MARCHF1: variants seen among roughly 807,000 people sequenced by gnomAD.
MARCHF1 encodes the protein membrane associated ring-CH-type finger 1, also known as E3 ubiquitin-protein ligase MARCHF1.
MARCHF1 carries 40 observed loss-of-function variants against 54.2 expected under a neutral mutation model. The ratio of observed to expected loss-of-function variants is 0.74; its 90% CI spans 0.57 to 0.96. The LOEUF (loss-of-function observed/expected upper bound fraction) is 0.96, where lower values mean the gene tolerates loss of function less well. MARCHF1 is among the 40% of genes least tolerant of loss of function. The probability of loss-of-function intolerance (pLI) is 0.00; values close to 1 mark genes in which losing one functional copy is unlikely to be tolerated. For missense variants in MARCHF1, 586 were observed against 656.5 expected (o/e 0.89, Z 1.17); for synonymous variants, 236 against 236.3 (o/e 1.00, Z 0.01).
chr4:163,717,626 G>C (rs982220461), intron 4 of MARCHF1, among the ~76,000 whole-genome samples: 66 of 152,236 alleles, frequency 4.3e-4, no homozygotes, highest in African/African-American at 1.5e-3. Flanking sequence ...GTGTAAAAAT[G>C]TTCCTATTTC....
intron 5 of MARCHF1, among the ~76,000 whole-genome samples, chr4:163,659,177 T>G (rs992641677): frequency 6.6e-6 from 1 of 152,002 alleles, no homozygotes; most frequent in African/African-American, 2.4e-5. Flanking sequence ...GTCTAGATTT[T>G]TACTCAGAAG....
At chr4:164,276,844 A>C (rs916607094) in intron 1 of MARCHF1, among the ~76,000 whole-genome samples, 20 of 145,498 alleles carry the variant, frequency 1.4e-4, no homozygotes, top group African/African-American at 3.0e-4. Flanking sequence ...GTGTAATTAC[A>C]ATTACATGTC....
chr4:163,640,558 C>A (rs1264456479), intron 5 of MARCHF1, among the ~76,000 whole-genome samples: 1 of 152,070 alleles, frequency 6.6e-6, no homozygotes, highest in East Asian at 1.9e-4. Flanking sequence ...TACTATGGAC[C>A]ATAGCCATGG....
At chr4:164,079,835 T>G in intron 2 of MARCHF1, among the ~76,000 whole-genome samples, 1 of 152,160 alleles carries the variant, frequency 6.6e-6, no homozygotes, top group East Asian at 1.9e-4. Flanking sequence ...AGTAGCATAG[T>G]TTTCTGTAAT....
At chr4:164,105,663 T>G (rs1488103093) in intron 2 of MARCHF1, among the ~76,000 whole-genome samples, 2 of 86,636 alleles carry the variant, frequency 2.3e-5, no homozygotes, top group African/African-American at 1.0e-4. Flanking sequence ...ATAAAAACCG[T>G]AGAAGAAAAC....
intron 1 of MARCHF1, among the ~76,000 whole-genome samples, chr4:164,238,023 A>T (rs185790953): frequency 3.1e-4 from 47 of 152,220 alleles, no homozygotes; most frequent in Non-Finnish European, 5.4e-4. Context: ...ATTAAAAACA[A>T]TTAAACTAAT....
chr4:164,060,477 A>G (rs1017616080), intron 2 of MARCHF1, among the ~76,000 whole-genome samples: 5 of 152,168 alleles, frequency 3.3e-5, no homozygotes, highest in African/African-American at 1.2e-4. Flanking sequence ...TCCACTAGAT[A>G]GTATTTCTTG....
intron 2 of MARCHF1, among the ~76,000 whole-genome samples, chr4:164,058,733 A>G (rs760319715): frequency 6.6e-6 from 1 of 152,162 alleles, no homozygotes; most frequent in Admixed American, 6.5e-5. Context: ...GAAATTGACA[A>G]CTTTCATGAG....
At chr4:164,169,602 ACC>A (rs894042476) in intron 1 of MARCHF1, among the ~76,000 whole-genome samples, 5 of 152,108 alleles carry the variant, frequency 3.3e-5, no homozygotes, top group Non-Finnish European at 5.9e-5. Context: ...CAATTCATAA[ACC>A]CCCAAAAGAG....
chr4:164,170,432 T>C (rs1313709418), intron 1 of MARCHF1, among the ~76,000 whole-genome samples: 4 of 152,088 alleles, frequency 2.6e-5, no homozygotes, highest in Non-Finnish European at 5.9e-5. Flanking sequence ...CCATCAATAA[T>C]ATTATCAATA....
intron 3 of MARCHF1, among the ~76,000 whole-genome samples, chr4:163,983,853 A>C (rs1193056882): frequency 6.6e-6 from 1 of 152,112 alleles, no homozygotes; most frequent in Non-Finnish European, 1.5e-5. Context: ...CTGTAAAGAA[A>C]AAATGTAAGA....
chr4:163,575,702 T>TA (rs1261462025), intron 8 of MARCHF1, among the ~76,000 whole-genome samples: 1 of 151,818 alleles, frequency 6.6e-6, no homozygotes, highest in Non-Finnish European at 1.5e-5. Context: ...TTTTTTTTTT[T>TA]ATTACTGATT....
intron 4 of MARCHF1, among the ~76,000 whole-genome samples, chr4:163,831,974 T>C (rs1749037901): frequency 6.6e-6 from 1 of 152,178 alleles, no homozygotes; most frequent in Non-Finnish European, 1.5e-5. Flanking sequence ...TCTAGAGTGC[T>C]GGGTTCCATC....
intron 1 of MARCHF1, among the ~76,000 whole-genome samples, chr4:164,239,787 A>G (rs1398387724): frequency 6.6e-6 from 1 of 152,038 alleles, no homozygotes; most frequent in Non-Finnish European, 1.5e-5. Context: ...GTGTATGTAT[A>G]TGTCATATTC....
rs140441696 is a variant in MARCHF1, at chr4:164,035,852, G to A, written c.-247-47143C>T. Reference sequence around the variant, plus strand: ...TCTCAGCGCTTTGGGAGGGGGAGGCGGGTGGATCACCTGAGGACAGGAGTT... The same window carrying A: ...TCTCAGCGCTTTGGGAGGGGGAGGCAGGTGGATCACCTGAGGACAGGAGTT... On this transcript the variant is annotated intron_variant, in intron 2 of 9. Coordinates refer to ENST00000514618, the MANE Select transcript of MARCHF1 (RefSeq NM_001394959.1). Among the ~76,000 whole-genome samples, 1,071 of 150,584 alleles carry A rather than the reference G, an allele frequency of 7.1e-3. 14 individuals are homozygous for A. Among genetic ancestry groups the A allele is most frequent in the African/African-American group, 0.024 (1,001 of 41,064 alleles).
chr4:164,028,035 C>G (rs1373079364), intron 2 of MARCHF1, among the ~76,000 whole-genome samples: 1 of 152,044 alleles, frequency 6.6e-6, no homozygotes, highest in Admixed American at 6.6e-5. Flanking sequence ...ATATCTCATA[C>G]TAGTCAAAAT....
chr4:164,143,981 T>C (rs1204819823), intron 1 of MARCHF1, among the ~76,000 whole-genome samples: 3 of 152,076 alleles, frequency 2.0e-5, no homozygotes, highest in African/African-American at 7.2e-5. Context: ...GAAGAAGATC[T>C]ACCAAGCAAA....
At chr4:164,169,846 C>T (rs1730477092) in intron 1 of MARCHF1, among the ~76,000 whole-genome samples, 1 of 152,042 alleles carries the variant, frequency 6.6e-6, no homozygotes, top group Non-Finnish European at 1.5e-5. Flanking sequence ...TCACTTTATA[C>T]CTTATATATC....
chr4:163,771,186 G>A (rs1274343629), intron 4 of MARCHF1, among the ~76,000 whole-genome samples: 1 of 152,102 alleles, frequency 6.6e-6, no homozygotes, highest in Non-Finnish European at 1.5e-5. Flanking sequence ...GAGCTATTTT[G>A]TGGTGTCATC....
Sources: gnomAD v4.1 joint callset for allele counts (sites outside exome capture counted in the v4.1 genomes callset) on GRCh38, gnomAD v4.1.1 for gene constraint, MANE v1.5 for transcripts, NCBI Gene and HGNC (gene_info 2026-07-23, HGNC 2026-07-21) for gene names.